COL6A6: variants seen among roughly 807,000 people sequenced by gnomAD.
COL6A6 encodes collagen alpha-6(VI) chain.
In COL6A6, 183 loss-of-function variants were observed where a neutral mutation model predicts 208.6. The observed-to-expected ratio is 0.88, with a 90% CI of 0.78 to 0.99. The LOEUF (loss-of-function observed/expected upper bound fraction) is 0.99. Among genes scored for constraint, COL6A6 ranks in the 50% least tolerant of loss-of-function variants. The pLI is 0.00. For synonymous variants in COL6A6, 973 were observed against 1,011.8 expected (o/e 0.96, Z 0.73); for missense variants, 2,816 against 2,815.2 (o/e 1.00, Z -0.01).
At chr3:130,604,960 C>T (rs1182215220) in intron 20 of COL6A6, among the ~76,000 whole-genome samples, 12 of 152,232 alleles carry the variant, frequency 7.9e-5, no homozygotes, top group Non-Finnish European at 1.5e-5. Context: ...TTTTCCAGCT[C>T]CAAAAACCCT....
chr3:130,591,286 T>A (rs943325429), intron 13 of COL6A6, among the ~76,000 whole-genome samples, 192 bp downstream of exon 13: 1 of 152,190 alleles, frequency 6.6e-6, no homozygotes, highest in Non-Finnish European at 1.5e-5. Flanking sequence ...TATTGTCTCT[T>A]CTTTGACTAC....
intron 18 of COL6A6, among the ~76,000 whole-genome samples, chr3:130,597,057 ATG>A (rs1276440792): frequency 1.3e-5 from 2 of 152,184 alleles, no homozygotes; most frequent in Non-Finnish European, 2.9e-5. Context: ...GTGCTGGTAT[ATG>A]ATTCTTTTTA....
Position 130,610,694 on chromosome 3 carries a change from G to C in COL6A6, c.4798G>C (p.Gly1600Arg). The change falls in exon 23 of 37, where the codon GGA becomes CGA. Residue 1600 changes from glycine to arginine, a missense_variant. By Grantham distance (125) the Gly-to-Arg change is moderately radical (BLOSUM62 -2). Transcript: ENST00000358511. ...TGTGAAAGGAGAAAAAGGAGGTGTGGGAAGTAAAGGTCCCCAGGTATGTAA... is the reference window on the plus strand; with the variant it reads ...TGTGAAAGGAGAAAAAGGAGGTGTGCGAAGTAAAGGTCCCCAGGTATGTAA... Reference protein sequence around the residue: ...AGVKGEKGGVGSKGPQGPPGP... With the variant: ...AGVKGEKGGVRSKGPQGPPGP... 6.3e-7 allele frequency: 1 copy of C among 1,589,476 alleles called. No homozygotes were observed. Among genetic ancestry groups the C allele is most frequent in the Non-Finnish European group, 8.6e-7 (1 of 1,167,060 alleles).
At chr3:130,581,482 C>T in intron 8 of COL6A6, 79 bp from the exon 9 acceptor site, 4 of 998,154 alleles carry the variant, frequency 4.0e-6, no homozygotes, top group Middle Eastern at 2.2e-4. Flanking sequence ...ATTCCAAGTC[C>T]CTTGATTCAG....
chr3:130,615,173 C>G (rs2064480703), intron 23 of COL6A6, among the ~76,000 whole-genome samples: 1 of 152,146 alleles, frequency 6.6e-6, no homozygotes, highest in Admixed American at 6.6e-5. Context: ...TTCTTGATGT[C>G]TGCCTTAATT....
intron 32 of COL6A6, among the ~76,000 whole-genome samples, chr3:130,647,971 A>G (rs946073718): frequency 2.0e-5 from 3 of 152,250 alleles, no homozygotes; most frequent in African/African-American, 7.2e-5. Context: ...CATTTGTTAG[A>G]TATCTGATAT....
At chr3:130,614,052 G>A (rs2108231275) in intron 23 of COL6A6, among the ~76,000 whole-genome samples, 1 of 152,256 alleles carries the variant, frequency 6.6e-6, no homozygotes. Context: ...CCAGTACTAT[G>A]TTGAATGGGA....
At chr3:130,600,897 A>G (rs1280930800) in intron 20 of COL6A6, among the ~76,000 whole-genome samples, 1 of 152,206 alleles carries the variant, frequency 6.6e-6, no homozygotes, top group Non-Finnish European at 1.5e-5. Flanking sequence ...ACAGGAAAAA[A>G]AAAGGGGGAA....
rs140654182 is a variant in COL6A6 at position 130,652,181 on chromosome 3, C to G, written c.5733+2619C>G. On this transcript the variant is annotated intron_variant, in intron 33 of 36. Coordinates refer to ENST00000358511, the MANE Select transcript of COL6A6 (RefSeq NM_001102608.3). ...TCCCTGCCATACATCAGATATTTAACAAATGCTGAATGAATGAAAAAGCTC... is the reference window on the plus strand; with the variant it reads ...TCCCTGCCATACATCAGATATTTAAGAAATGCTGAATGAATGAAAAAGCTC... 7.2e-5 allele frequency among the ~76,000 whole-genome samples: 11 copies of G among 152,312 alleles called. No homozygotes were observed. In the East Asian group the frequency reaches 1.7e-3, roughly 24 times the overall value.
chr3:130,656,182 G>A (rs1199232018), intron 33 of COL6A6, among the ~76,000 whole-genome samples: 1 of 152,216 alleles, frequency 6.6e-6, no homozygotes, highest in Non-Finnish European at 1.5e-5. Context: ...CACCCACAAC[G>A]TGGTGAAAAA....
intron 4 of COL6A6, 98 bp from the exon 5 acceptor site, chr3:130,566,604 T>G: frequency 1.0e-6 from 1 of 982,694 alleles, no homozygotes; most frequent in South Asian, 1.9e-5. Flanking sequence ...CCCATTTTTC[T>G]GTCTGAAGAG....
intron 1 of COL6A6, among the ~76,000 whole-genome samples, chr3:130,554,032 G>A (rs1409948909): frequency 6.6e-6 from 1 of 152,174 alleles, no homozygotes; most frequent in Non-Finnish European, 1.5e-5. Flanking sequence ...CAGGCCCCTG[G>A]CGTTGTTCTC....
At chr3:130,594,911 C>T (rs932806526) in intron 18 of COL6A6, among the ~76,000 whole-genome samples, 1 of 152,064 alleles carries the variant, frequency 6.6e-6, no homozygotes, top group African/African-American at 2.4e-5. Flanking sequence ...GAGACTTACT[C>T]ACTACCACAA....
At chr3:130,572,230 C>T (rs1165410985) in intron 7 of COL6A6, among the ~76,000 whole-genome samples, 2 of 152,162 alleles carry the variant, frequency 1.3e-5, no homozygotes, top group Non-Finnish European at 2.9e-5. Context: ...CAGAAGTTTC[C>T]AGGACAGAGC....
intron 23 of COL6A6, among the ~76,000 whole-genome samples, chr3:130,611,203 T>C (rs1182850508): frequency 6.6e-6 from 1 of 151,548 alleles, no homozygotes; most frequent in Non-Finnish European, 1.5e-5. Context: ...GGGTTGGGAA[T>C]GACTGCTCTG....
chr3:130,627,748 CA>C (rs1417137686), intron 26 of COL6A6, among the ~76,000 whole-genome samples: 7 of 152,094 alleles, frequency 4.6e-5, no homozygotes, highest in African/African-American at 9.7e-5. Flanking sequence ...AGAGGTTGTG[CA>C]GGAGTTTTCT....
chr3:130,601,170 T>C (rs1363672631), intron 20 of COL6A6, among the ~76,000 whole-genome samples: 4 of 152,178 alleles, frequency 2.6e-5, no homozygotes, highest in African/African-American at 9.7e-5. Flanking sequence ...TTCCATTCTT[T>C]ATGTAGTTAT....
chr3:130,574,380 C>T lies in COL6A6; in HGVS notation c.3402C>T (p.Ser1134=), dbSNP rs376519670. 4.8e-5 allele frequency: 78 copies of T among 1,613,976 alleles called. No homozygotes were observed. The African/African-American group carries it at 7.1e-4, about 15-fold the overall frequency. ...ALRHRGIDIY[S]VGIGDVDDQQ... is the part of the protein sequence containing the mutation. ...GACACAGAGGTATCGACATCTACTC[C>T]GTGGGCATTGGGGATGTGGATGACC... The change falls in exon 8 of 37, where the codon TCC becomes TCT. Residue 1134 remains serine, a synonymous_variant. Coordinates refer to ENST00000358511, the MANE Select transcript of COL6A6 (RefSeq NM_001102608.3).
At chr3:130,672,193 A>T (rs1418605775) in intron 36 of COL6A6, among the ~76,000 whole-genome samples, 1 of 152,222 alleles carries the variant, frequency 6.6e-6, no homozygotes, top group African/African-American at 2.4e-5. Context: ...GATCACAGAG[A>T]ACTACAATTA....
Sources: allele counts gnomAD v4.1 joint callset (sites outside exome capture counted in the v4.1 genomes callset), GRCh38; gene constraint gnomAD v4.1.1; transcripts MANE v1.5; gene names NCBI Gene and HGNC (gene_info 2026-07-23, HGNC 2026-07-21).